AUTS2: variants seen among roughly 807,000 people sequenced by gnomAD.
AUTS2 encodes activator of transcription and developmental regulator AUTS2, also known as autism susceptibility gene 2 protein.
Under a neutral mutation model 112.4 loss-of-function variants are expected in AUTS2, and 17 were observed. The observed-to-expected ratio is 0.15, with a 90% CI of 0.10 to 0.23. The LOEUF is 0.23. AUTS2 is among the 10% of genes least tolerant of loss of function. AUTS2 has a pLI of 1.00. For synonymous variants in AUTS2, 751 were observed against 702.7 expected, an observed-to-expected ratio of 1.07 and a Z score of -1.09; for missense variants, 1,510 against 1,701.6, an observed-to-expected ratio of 0.89 and a Z score of 1.98.
intron 2 of AUTS2, among the ~76,000 whole-genome samples, chr7:70,113,930 C>G (rs978919492): frequency 3.3e-5 from 5 of 152,098 alleles, no homozygotes; most frequent in Non-Finnish European, 7.4e-5. Context: ...AACTGTGGAT[C>G]GTTATTTTCC....
intron 1 of AUTS2, among the ~76,000 whole-genome samples, chr7:69,730,250 G>T (rs566181679): frequency 6.6e-6 from 1 of 151,566 alleles, no homozygotes; most frequent in Non-Finnish European, 1.5e-5. Flanking sequence ...AATATTTGTC[G>T]TACCTTTTCC....
At chr7:70,731,616 A>G (rs1787400582) in intron 6 of AUTS2, among the ~76,000 whole-genome samples, 1 of 151,464 alleles carries the variant, frequency 6.6e-6, no homozygotes, top group South Asian at 2.1e-4. Flanking sequence ...TTTTTAGTAG[A>G]GACGGGGTTT....
intron 2 of AUTS2, among the ~76,000 whole-genome samples, chr7:69,905,666 C>T (rs1032176055): frequency 2.6e-5 from 4 of 152,188 alleles, no homozygotes; most frequent in African/African-American, 7.2e-5. Flanking sequence ...TCCTTCCCTA[C>T]TTAGTTCACT....
chr7:70,162,787 T>G (rs959252140), intron 4 of AUTS2, among the ~76,000 whole-genome samples: 3 of 152,168 alleles, frequency 2.0e-5, no homozygotes, highest in African/African-American at 7.2e-5. Context: ...TCAGTGCAAA[T>G]CTTACCCTTT....
chr7:69,825,900 C>T (rs1791219988), intron 1 of AUTS2: 1 of 152,194 alleles, frequency 6.6e-6, no homozygotes, highest in African/African-American at 2.4e-5. Context: ...AACGTAGTGC[C>T]ATTTATTTCC....
At chr7:69,779,839 A>T (rs1041446133) in intron 1 of AUTS2, among the ~76,000 whole-genome samples, 2 of 151,854 alleles carry the variant, frequency 1.3e-5, no homozygotes, top group Admixed American at 6.6e-5. Flanking sequence ...AGTCATAGCT[A>T]CCTGTGACTT....
At chr7:70,765,453 G>A (rs1789877233) in intron 8 of AUTS2, among the ~76,000 whole-genome samples, 1 of 152,102 alleles carries the variant, frequency 6.6e-6, no homozygotes, top group African/African-American at 2.4e-5. Context: ...GGGAGGAGAT[G>A]ACACACTCTT....
At position 70,465,096 on chromosome 7, in the gene AUTS2, A is replaced by C. The variant is rs150158605; in HGVS notation, c.690+29315A>C. Among the ~76,000 whole-genome samples, 4 of 152,316 alleles carry C rather than the reference A, an allele frequency of 2.6e-5. No homozygotes were observed. The East Asian group carries it at 5.8e-4, about 22-fold the overall frequency. ...ACTTCTACTGACTTTCAGAGGTTGA[A>C]TGAAGCTTTTCTCAGCCCTCTGCCC... On this transcript the variant is annotated intron_variant, in intron 5 of 18. Transcript: ENST00000342771.
intron 1 of AUTS2, among the ~76,000 whole-genome samples, chr7:69,717,881 G>T (rs1792798194): frequency 6.6e-6 from 1 of 152,106 alleles, no homozygotes; most frequent in Non-Finnish European, 1.5e-5. Flanking sequence ...CTCATTGGAT[G>T]GGATTATTAA....
chr7:70,104,248 G>C (rs987216272), intron 2 of AUTS2, among the ~76,000 whole-genome samples: 4 of 147,124 alleles, frequency 2.7e-5, no homozygotes, highest in Non-Finnish European at 3.0e-5. Flanking sequence ...GGCATAAGTT[G>C]TTTTTTCTTT....
chr7:70,013,664 C>G (rs534135099), intron 2 of AUTS2, among the ~76,000 whole-genome samples: 1 of 152,278 alleles, frequency 6.6e-6, no homozygotes, highest in South Asian at 2.1e-4. Context: ...ATCTAGTACC[C>G]TCTTTAACTT....
chr7:70,105,032 G>A (rs115292872), intron 2 of AUTS2, among the ~76,000 whole-genome samples: 10 of 152,238 alleles, frequency 6.6e-5, no homozygotes, highest in African/African-American at 2.4e-4. Context: ...TAACTCTAAG[G>A]ATGTACTTTT....
At chr7:69,978,898 A>ACACACACG (rs1554418157) in intron 2 of AUTS2, among the ~76,000 whole-genome samples, 4 of 141,744 alleles carry the variant, frequency 2.8e-5, no homozygotes, top group African/African-American at 7.7e-5. Context: ...ACACACACAC[A>ACACACACG]CACGCACACA....
chr7:70,631,731 G>A lies in AUTS2; in HGVS notation c.691-66838G>A, dbSNP rs1235287772. Among the ~76,000 whole-genome samples the A allele has an allele frequency of 6.6e-6, 1 of 152,148 alleles. No homozygotes were observed. Among genetic ancestry groups the A allele is most frequent in the South Asian group, 2.1e-4 (1 of 4,814 alleles). ...CCCAACCTTAGCCTTTGCACGGTTG[G>A]CTGGGCCACAGCAAGGGGCTCAGCA... On this transcript the variant is annotated intron_variant, in intron 5 of 18. Transcript: ENST00000342771. This position sits in a 1 kb window ranked among gnomAD's most constrained non-coding sequence, Gnocchi z 4.5.
At chr7:70,513,592 T>G (rs1403038334) in intron 5 of AUTS2, among the ~76,000 whole-genome samples, 2 of 152,074 alleles carry the variant, frequency 1.3e-5, no homozygotes, top group East Asian at 3.9e-4. Flanking sequence ...CTTAGGAAAT[T>G]GTATTAGTCC....
At chr7:70,175,261 T>TA (rs2129579681) in intron 4 of AUTS2, among the ~76,000 whole-genome samples, 1 of 152,328 alleles carries the variant, frequency 6.6e-6, no homozygotes, top group African/African-American at 2.4e-5. Flanking sequence ...TTGAAGGTGT[T>TA]ACTGAATTTC....
chr7:70,122,722 A>AC (rs1805747929), intron 3 of AUTS2, among the ~76,000 whole-genome samples: 2 of 152,190 alleles, frequency 1.3e-5, no homozygotes. Context: ...TGAAAAGGAA[A>AC]GAAAGAAAAA....
intron 5 of AUTS2, among the ~76,000 whole-genome samples, chr7:70,576,617 G>A (rs1802180425): frequency 6.6e-6 from 1 of 152,134 alleles, no homozygotes; most frequent in South Asian, 2.1e-4. Context: ...TCCAGGAAAT[G>A]CCTTTCAAAC....
chr7:70,435,697 G>A lies in AUTS2; in HGVS notation c.661-55G>A, dbSNP rs1795864709. 4 of 1,596,408 alleles carry A rather than the reference G, an allele frequency of 2.5e-6. No homozygotes were observed. In the Admixed American group the frequency reaches 6.7e-5, roughly 27 times the overall value. ...GGGGTTGGGGGAGGAGGCATCAAAA[G>A]CAAAAACATACTCAGTTCTTGCACT... is the stretch of plus-strand genomic sequence containing the variant. On this transcript the variant is annotated intron_variant, in intron 4 of 18. Coordinates refer to ENST00000342771, the MANE Select transcript of AUTS2 (RefSeq NM_015570.4).
Sources: gnomAD v4.1 joint callset for allele counts (sites outside exome capture counted in the v4.1 genomes callset) on GRCh38, gnomAD v4.1.1 for gene constraint, Gnocchi (gnomAD v3.1) non-coding constraint, MANE v1.5 for transcripts, NCBI Gene and HGNC (gene_info 2026-07-23, HGNC 2026-07-21) for gene names.